The following SHC4 variants were observed in gnomAD, a reference collection of about 807,000 sequenced individuals.
SHC4 encodes SHC-transforming protein 4.
Under a neutral mutation model 69.4 loss-of-function variants are expected in SHC4, and 41 were observed. That is an observed-to-expected ratio of 0.59 (90% CI 0.46 to 0.77). SHC4 has a LOEUF of 0.77. Among genes scored for constraint, SHC4 ranks in the 30% least tolerant of loss-of-function variants. SHC4 has a pLI of 0.00. For missense variants in SHC4, 777 were observed against 783.8 expected, an observed-to-expected ratio of 0.99 and a Z score of 0.10; for synonymous variants, 318 against 299.3, an observed-to-expected ratio of 1.06 and a Z score of -0.64.
At chr15:48,847,901 C>T (rs1416135709) in intron 9 of SHC4, among the ~76,000 whole-genome samples, 1 of 151,056 alleles carries the variant, frequency 6.6e-6, no homozygotes, top group Admixed American at 6.6e-5. Flanking sequence ...ACTCAGGAGG[C>T]TGAGGCAGGA....
chr15:48,940,275 C>T (rs1901151002), intron 1 of SHC4, among the ~76,000 whole-genome samples: 1 of 152,184 alleles, frequency 6.6e-6, no homozygotes. Context: ...TATGGTCTCT[C>T]CTGCCAACAC....
chr15:48,852,249 G>A (rs532086770), intron 8 of SHC4, among the ~76,000 whole-genome samples: 1 of 152,306 alleles, frequency 6.6e-6, no homozygotes, highest in South Asian at 2.1e-4. Context: ...GTAGAGCCTA[G>A]GAGAGTGCTA....
At position 48,926,638 on chromosome 15, in the gene SHC4, T is replaced by A. The variant is rs138589243; in HGVS notation, c.586-1689A>T. ...CCACTGCACCTGGCTAATTTTTGTA[T>A]TTTTAGTAGAGACAGGGTTTCACCA... On this transcript the variant is annotated intron_variant, in intron 1 of 11. Coordinates refer to ENST00000332408, the MANE Select transcript of SHC4 (RefSeq NM_203349.4). Among the ~76,000 whole-genome samples the A allele has an allele frequency of 5.7e-3, 869 of 152,170 alleles. 8 individuals are homozygous for A. The highest frequency in any genetic ancestry group is 0.02 in the African/African-American group (844 of 41,540).
chr15:48,961,158 T>C (rs554430963), intron 1 of SHC4, among the ~76,000 whole-genome samples: 3 of 152,322 alleles, frequency 2.0e-5, no homozygotes, highest in Non-Finnish European at 4.4e-5. Context: ...TCTTTCTTAC[T>C]GTCCTCCAAG....
chr15:48,928,715 C>T (rs1417148399), intron 1 of SHC4, among the ~76,000 whole-genome samples: 2 of 152,120 alleles, frequency 1.3e-5, no homozygotes, highest in Non-Finnish European at 2.9e-5. Flanking sequence ...AGCATTGCTT[C>T]GGGATCCCCT....
At chr15:48,878,043 G>C in intron 4 of SHC4, 2 of 1,148,508 alleles carry the variant, frequency 1.7e-6, no homozygotes, top group South Asian at 1.6e-5. Context: ...CGCCAAGTAG[G>C]AGGCGGTACC....
chr15:48,906,408 C>T (rs947470511), intron 2 of SHC4, among the ~76,000 whole-genome samples: 1 of 152,072 alleles, frequency 6.6e-6, no homozygotes, highest in African/African-American at 2.4e-5. Context: ...CTTCATTTTA[C>T]AAGCTTCTTT....
At chr15:48,828,593 G>A (rs538707566) in intron 11 of SHC4, among the ~76,000 whole-genome samples, 2 of 152,204 alleles carry the variant, frequency 1.3e-5, no homozygotes, top group South Asian at 2.1e-4. Flanking sequence ...TTCCATAGAG[G>A]CTGTACAATT....
intron 1 of SHC4, among the ~76,000 whole-genome samples, chr15:48,925,759 G>C (rs547603803): frequency 3.2e-4 from 48 of 152,268 alleles, no homozygotes; most frequent in Admixed American, 2.7e-3. Flanking sequence ...TTAAGTCAGC[G>C]GCAGTATGAA....
chr15:48,926,415 G>T (rs1025204561), intron 1 of SHC4, among the ~76,000 whole-genome samples: 1 of 151,930 alleles, frequency 6.6e-6, no homozygotes, highest in Non-Finnish European at 1.5e-5. Flanking sequence ...GTCAGGAGCT[G>T]GTGGGGAGGG....
At chr15:48,879,666 A>T (rs1369271392) in intron 4 of SHC4, 1 of 167,116 alleles carries the variant, frequency 6.0e-6, no homozygotes. Flanking sequence ...ATGAACAGTT[A>T]TTCTATCAAC....
chr15:48,924,445 G>A (rs891275796), intron 2 of SHC4, among the ~76,000 whole-genome samples: 1 of 152,202 alleles, frequency 6.6e-6, no homozygotes, highest in African/African-American at 2.4e-5. Flanking sequence ...TGTACATAGA[G>A]GAGGGAGACC....
At chr15:48,861,062 C>A (rs2140986346) in intron 6 of SHC4, among the ~76,000 whole-genome samples, 1 of 152,292 alleles carries the variant, frequency 6.6e-6, no homozygotes, top group Middle Eastern at 3.4e-3. Flanking sequence ...AGGTTTGGGT[C>A]CTGTTCATAG....
chr15:48,832,740 T>C (rs760851832), intron 11 of SHC4, among the ~76,000 whole-genome samples: 1 of 152,162 alleles, frequency 6.6e-6, no homozygotes, highest in Non-Finnish European at 1.5e-5. Flanking sequence ...TTAAAAGTAA[T>C]ATTTTTGTTG....
chr15:48,879,114 G>A (rs1251907259), intron 4 of SHC4: 3 of 188,446 alleles, frequency 1.6e-5, no homozygotes. Context: ...CAATACAAAA[G>A]CCCACTGATA....
chr15:48,899,492 T>C (rs188569696), intron 2 of SHC4, among the ~76,000 whole-genome samples: 1 of 151,816 alleles, frequency 6.6e-6, no homozygotes, highest in Non-Finnish European at 1.5e-5. Context: ...AATAAATAAA[T>C]AAACAAACAG....
intron 11 of SHC4, among the ~76,000 whole-genome samples, chr15:48,832,133 G>A (rs1345031542): frequency 2.0e-5 from 3 of 152,180 alleles, no homozygotes; most frequent in Non-Finnish European, 4.4e-5. Flanking sequence ...TTAGCCAGGT[G>A]TGGTGGCGGG....
At chr15:48,936,105 T>A (rs985063379) in intron 1 of SHC4, among the ~76,000 whole-genome samples, 1 of 152,170 alleles carries the variant, frequency 6.6e-6, no homozygotes, top group Non-Finnish European at 1.5e-5. Flanking sequence ...CCCCAACACC[T>A]AGAACATAGT....
chr15:48,909,434 T>C (rs1207715311), intron 2 of SHC4, among the ~76,000 whole-genome samples: 1 of 152,198 alleles, frequency 6.6e-6, no homozygotes, highest in Non-Finnish European at 1.5e-5. Flanking sequence ...TAATCAGTTC[T>C]AGGAGCTTTC....
Sources: gnomAD v4.1 joint callset for allele counts (sites outside exome capture counted in the v4.1 genomes callset) on GRCh38, gnomAD v4.1.1 for gene constraint, MANE v1.5 for transcripts, NCBI Gene and HGNC (gene_info 2026-07-23, HGNC 2026-07-21) for gene names.